Variants in EDA2R observed in about 807,000 individuals in gnomAD.
The protein encoded by EDA2R is tumor necrosis factor receptor superfamily member 27.
A neutral mutation model predicts 20.1 loss-of-function variants in EDA2R; 26 were observed. That is an observed-to-expected ratio of 1.30 (90% CI 0.95 to 1.80). The LOEUF (loss-of-function observed/expected upper bound fraction) is 1.80, where lower values mean the gene tolerates loss of function less well. Ranked by LOEUF, EDA2R falls within the 40% of genes most tolerant of loss-of-function variation. The pLI, the probability that EDA2R is intolerant of heterozygous loss-of-function variation, is 0.00. For synonymous variants in EDA2R, 114 were observed against 88.7 expected (o/e 1.29, Z -1.60); for missense variants, 277 against 228.7 (o/e 1.21, Z -1.36).
At chrX:66,623,133 G>A (rs1436679573) in intron 1 of EDA2R, among the ~76,000 whole-genome samples, 6 of 112,281 alleles carry the variant, frequency 5.3e-5, no homozygotes, top group African/African-American at 9.7e-5. Flanking sequence ...GCATGAGCAC[G>A]CTACATTTTA....
intron 5 of EDA2R, chrX:66,600,137 C>T (rs1271572051): frequency 2.0e-6 from 2 of 1,020,062 alleles, no homozygotes; most frequent in South Asian, 4.4e-5. Flanking sequence ...GATTTTGATA[C>T]CATCTCCCTT....
Position 66,597,851 on chromosome X carries a change from A to T in EDA2R, c.*253T>A, listed in dbSNP as rs775539008. On this transcript the variant is annotated 3_prime_UTR_variant, in exon 7 of 7. Transcript: ENST00000374719. ...TCTATAATCAAGTTGAGCTAGGAAC[A>T]TGTCTGGTAGTCCCATGAATGTGGA... The T allele has an allele frequency of 7.0e-4, 138 of 197,821 alleles. No homozygotes were observed. Among genetic ancestry groups the T allele is most frequent in the Non-Finnish European group, 9.7e-4 (107 of 109,800 alleles). The allele number at this position is 197,821 out of a possible 1,213,427, so 16.3% of individuals were successfully genotyped here. A position where few individuals can be genotyped will look rare whatever the true frequency, so the allele number is the denominator to read the frequency against.
At chrX:66,627,459 C>G (rs1257769625) in intron 1 of EDA2R, among the ~76,000 whole-genome samples, 1 of 112,125 alleles carries the variant, frequency 8.9e-6, no homozygotes, top group African/African-American at 3.2e-5. Context: ...AAATGGACAC[C>G]AAAAGTGAGC....
At chrX:66,636,281 C>T (rs1482143935) in intron 1 of EDA2R, among the ~76,000 whole-genome samples, 2 of 111,756 alleles carry the variant, frequency 1.8e-5, no homozygotes, top group Non-Finnish European at 3.8e-5. Context: ...CAGTATTCCT[C>T]ATCACTATGA....
intron 1 of EDA2R, among the ~76,000 whole-genome samples, chrX:66,624,655 A>G (rs142241009): frequency 0.073 from 8,149 of 111,760 alleles, 308 homozygotes; most frequent in Non-Finnish European, 0.11. Context: ...AGGCAGGACT[A>G]GATTGCAATT....
chrX:66,608,981 A>G (rs1223513272), intron 2 of EDA2R, among the ~76,000 whole-genome samples: 1 of 112,326 alleles, frequency 8.9e-6, no homozygotes, highest in East Asian at 2.8e-4. Flanking sequence ...TTATACACTT[A>G]CAATGTCTAA....
intron 5 of EDA2R, among the ~76,000 whole-genome samples, chrX:66,600,247 G>A (rs1342410355): frequency 8.9e-6 from 1 of 111,739 alleles, no homozygotes; most frequent in Non-Finnish European, 1.9e-5. Context: ...TCAAAATAAG[G>A]AGAGAATCCT....
rs767798674 is a variant in EDA2R, at chrX:66,624,617, G to A, written c.-10-8587C>T. 4.5e-5 allele frequency among the ~76,000 whole-genome samples: 5 copies of A among 112,085 alleles called. No individual in the cohort carries two copies. The South Asian group carries it at 1.9e-3, about 42-fold the overall frequency. On this transcript the variant is annotated intron_variant, in intron 1 of 6. Coordinates refer to ENST00000374719, the MANE Select transcript of EDA2R (RefSeq NM_021783.5). ...TGCTCAAGATCTCAGTAAAGAAGTA[G>A]AGCTGGGGGATCATCATGGCAGACG...
At chrX:66,615,911 G>A (rs775759379) in intron 2 of EDA2R, 23 bp downstream of exon 2, 6 of 1,169,971 alleles carry the variant, frequency 5.1e-6, no homozygotes, top group South Asian at 3.7e-5. Context: ...ACAGAAATAA[G>A]TGTACTGAAT....
intron 1 of EDA2R, among the ~76,000 whole-genome samples, chrX:66,635,592 C>T (rs1237284170): frequency 8.9e-6 from 1 of 112,126 alleles, no homozygotes; most frequent in Non-Finnish European, 1.9e-5. Context: ...TTGGAGGATC[C>T]CTCTTTTTTT....
chrX:66,626,611 A>T (rs1309164142), intron 1 of EDA2R, among the ~76,000 whole-genome samples: 1 of 110,647 alleles, frequency 9.0e-6, no homozygotes, highest in Non-Finnish European at 1.9e-5. Flanking sequence ...AATAACAGAA[A>T]AACTTCCCTG....
At chrX:66,598,795 G>A (rs1051697372) in intron 6 of EDA2R, among the ~76,000 whole-genome samples, 1 of 111,959 alleles carries the variant, frequency 8.9e-6, no homozygotes, top group Non-Finnish European at 1.9e-5. Context: ...ACGGAAGTGG[G>A]CACTGCAAGA....
At chrX:66,632,929 A>G (rs908911772) in intron 1 of EDA2R, among the ~76,000 whole-genome samples, 1 of 112,224 alleles carries the variant, frequency 8.9e-6, no homozygotes, top group Non-Finnish European at 1.9e-5. Context: ...CAGCAATGTC[A>G]GGAATAGTAT....
chrX:66,618,191 C>T (rs1932041477), intron 1 of EDA2R, among the ~76,000 whole-genome samples: 2 of 112,329 alleles, frequency 1.8e-5, no homozygotes, highest in South Asian at 3.7e-4. Context: ...CCAGCCTTCC[C>T]TCTTTTTTTC....
intron 2 of EDA2R, among the ~76,000 whole-genome samples, chrX:66,609,880 A>G (rs1396136685): frequency 8.9e-6 from 1 of 111,864 alleles, no homozygotes; most frequent in Non-Finnish European, 1.9e-5. Flanking sequence ...TCCTCACACT[A>G]TACACCAAAA....
In EDA2R at chrX:66,596,020, C is replaced by G. The variant is rs1927375574; in HGVS notation, c.*2084G>C. 1 of 105,594 alleles carries G rather than the reference C, an allele frequency of 9.5e-6. No homozygotes were observed. The highest frequency in any genetic ancestry group is 3.5e-5 in the African/African-American group (1 of 28,928). The allele number at this position is 105,594 out of a possible 1,213,427, so 8.7% of individuals were successfully genotyped here. ...AAGTCAAGGTATATGGAGAGAAAAACAGTAATCCAAAAAAAAAAAAATTCA... is the reference window on the plus strand; with the variant it reads ...AAGTCAAGGTATATGGAGAGAAAAAGAGTAATCCAAAAAAAAAAAAATTCA... On this transcript the variant is annotated 3_prime_UTR_variant, in exon 7 of 7. Coordinates refer to ENST00000374719, the MANE Select transcript of EDA2R (RefSeq NM_021783.5).
At chrX:66,633,509 A>G (rs1042980077) in intron 1 of EDA2R, among the ~76,000 whole-genome samples, 1 of 111,460 alleles carries the variant, frequency 9.0e-6, no homozygotes, top group African/African-American at 3.3e-5. Flanking sequence ...GAGATAATGT[A>G]TGTGAGAGTG....
In EDA2R at chrX:66,599,662, C is replaced by A. The variant is rs1928160346; in HGVS notation, c.716G>T (p.Cys239Phe). ...PTQESFTMAS[C>F]TSESHSHWVH... ...CCAGTGGGAGTGGCTCTCTGAGGTG[C>A]AGGAGGCCATGGTAAAGGACTCCTG... is the stretch of plus-strand genomic sequence containing the variant. The change falls in exon 6 of 7, where the codon TGC becomes TTC. Residue 239 changes from cysteine to phenylalanine, a missense_variant. Coordinates refer to ENST00000374719, the MANE Select transcript of EDA2R (RefSeq NM_021783.5). The A allele has an allele frequency of 8.3e-7, 1 of 1,207,849 alleles. No homozygotes were observed. The highest frequency in any genetic ancestry group is 3.0e-5 in the East Asian group (1 of 33,615).
chrX:66,630,820 T>TACACACACACACAC (rs780295995), intron 1 of EDA2R, among the ~76,000 whole-genome samples: 1 of 39,530 alleles, frequency 2.5e-5, no homozygotes, highest in African/African-American at 6.0e-5. Flanking sequence ...CATATATATA[T>TACACACACACACAC]ATACACACAC....
Sources: gnomAD v4.1 joint callset for allele counts (sites outside exome capture counted in the v4.1 genomes callset) on GRCh38, gnomAD v4.1.1 for gene constraint, MANE v1.5 for transcripts, NCBI Gene and HGNC (gene_info 2026-07-23, HGNC 2026-07-21) for gene names.